The following IL31RA variants were observed in gnomAD, a reference collection of about 807,000 sequenced individuals.
IL31RA encodes interleukin 31 receptor A.
In IL31RA, 66 loss-of-function variants were observed where a neutral mutation model predicts 83.7. The ratio of observed to expected loss-of-function variants is 0.79; its 90% CI spans 0.65 to 0.97. IL31RA has a LOEUF of 0.97. IL31RA is among the 50% of genes least tolerant of loss of function. IL31RA has a pLI of 0.00. For synonymous variants in IL31RA, 325 were observed against 329.0 expected (o/e 0.99, Z 0.13); for missense variants, 798 against 919.4 (o/e 0.87, Z 1.71).
chr5:55,900,936 G>T (rs539757292), intron 8 of IL31RA, among the ~76,000 whole-genome samples: 1 of 152,016 alleles, frequency 6.6e-6, no homozygotes, highest in African/African-American at 2.4e-5. Context: ...TAGAGCAGTT[G>T]GCATAGAGCA....
In IL31RA at chr5:55,910,569, G is replaced by A; in HGVS notation, c.1539G>A (p.Leu513=). 2 of 1,614,158 alleles carry A rather than the reference G, an allele frequency of 1.2e-6. No homozygotes were observed. Among genetic ancestry groups the A allele is most frequent in the Non-Finnish European group, 1.7e-6 (2 of 1,180,010 alleles). Residue 513 remains leucine (L), a synonymous_variant, in exon 12 of 15, where the codon CTG becomes CTA. Transcript: ENST00000652347. ...ATTCCAGCATCTTGCAGTACGGCCTGGAGTCCCTGAAACGAAAGACCTCTT... is the reference window on the plus strand; with the variant it reads ...ATTCCAGCATCTTGCAGTACGGCCTAGAGTCCCTGAAACGAAAGACCTCTT... ...TVNSSILQYG[L]ESLKRKTSYI... is the part of the protein sequence containing the mutation.
intron 4 of IL31RA, among the ~76,000 whole-genome samples, chr5:55,881,476 C>G (rs76673438): frequency 9.2e-5 from 14 of 151,986 alleles, no homozygotes; most frequent in Non-Finnish European, 1.9e-4. Flanking sequence ...GGCCTACTTC[C>G]GGCACCTTGC....
intron 3 of IL31RA, among the ~76,000 whole-genome samples, chr5:55,869,357 T>A (rs1055504751): frequency 6.6e-6 from 1 of 152,088 alleles, no homozygotes; most frequent in East Asian, 1.9e-4. Flanking sequence ...GATTCCCCAA[T>A]TTTTTTTACT....
At chr5:55,911,918 G>A (rs1301842669) in intron 12 of IL31RA, among the ~76,000 whole-genome samples, 1 of 152,148 alleles carries the variant, frequency 6.6e-6, no homozygotes, top group African/African-American at 2.4e-5. Context: ...TATCACTCTG[G>A]AAAATGTGAG....
chr5:55,867,543 TTAAA>T lies in IL31RA; in HGVS notation c.155-1244_155-1241del, dbSNP rs1190961911. ...ATATGTGGTCTTCTTTATTAACACA[TTAAA>T]TAAGAAGACCTAATAATTGCCTTAA... On this transcript the variant is annotated intron_variant, in intron 2 of 14. Coordinates refer to ENST00000652347, the MANE Select transcript of IL31RA (RefSeq NM_139017.7). Among the ~76,000 whole-genome samples the T allele has an allele frequency of 7.9e-5, 12 of 152,252 alleles. No homozygotes were observed. In the South Asian group the frequency reaches 1.4e-3, roughly 18 times the overall value.
chr5:55,869,764 G>A (rs1430593574), intron 3 of IL31RA, among the ~76,000 whole-genome samples: 3 of 152,144 alleles, frequency 2.0e-5, no homozygotes, highest in Admixed American at 1.3e-4. Flanking sequence ...ATGAGCCACC[G>A]TGCCTGTCCT....
At chr5:55,855,161 A>T (rs1745282105) in intron 1 of IL31RA, among the ~76,000 whole-genome samples, 1 of 151,566 alleles carries the variant, frequency 6.6e-6, no homozygotes, top group South Asian at 2.1e-4. Flanking sequence ...TTATTTTTTT[A>T]TTTGAGACAG....
intron 4 of IL31RA, among the ~76,000 whole-genome samples, chr5:55,873,139 T>C (rs1371777743): frequency 7.2e-5 from 11 of 152,176 alleles, no homozygotes; most frequent in East Asian, 1.9e-4. Context: ...GATTTGCCTA[T>C]ACATTTTATA....
chr5:55,873,171 T>G (rs1438022657), intron 4 of IL31RA, among the ~76,000 whole-genome samples: 1 of 152,208 alleles, frequency 6.6e-6, no homozygotes, highest in African/African-American at 2.4e-5. Flanking sequence ...TGTGGTCTTT[T>G]TATCTAATTT....
chr5:55,905,017 TG>T (rs1749057196), intron 8 of IL31RA, among the ~76,000 whole-genome samples: 1 of 151,486 alleles, frequency 6.6e-6, no homozygotes, highest in Admixed American at 6.6e-5. Flanking sequence ...CTGGCCAACA[TG>T]GTGAAACCCC....
intron 1 of IL31RA, among the ~76,000 whole-genome samples, chr5:55,856,681 G>A (rs1007654506): frequency 4.6e-5 from 7 of 152,168 alleles, no homozygotes; most frequent in Non-Finnish European, 7.3e-5. Context: ...GGAGATTCGG[G>A]GTTTTGAAGT....
Position 55,916,878 on chromosome 5 carries a change from A to G in IL31RA, c.2053A>G (p.Ser685Gly), listed in dbSNP as rs539031810. The G allele has an allele frequency of 4.6e-5, 75 of 1,614,168 alleles. 2 individuals carry two copies. The South Asian group carries it at 7.9e-4, about 17-fold the overall frequency. Residue 685 changes from serine to glycine, a missense_variant, in exon 15 of 15, where the codon AGT (serine) becomes GGT (glycine). Transcript: ENST00000652347. ...CAGGCCTGATTGTCCCCTGGGGAAAAGTTTTGAGGAGCTCCCAGTTTCACC... is the reference window on the plus strand; with the variant it reads ...CAGGCCTGATTGTCCCCTGGGGAAAGGTTTTGAGGAGCTCCCAGTTTCACC... Reference protein sequence around the residue: ...PFRPDCPLGKSFEELPVSPEI... With the variant: ...PFRPDCPLGKGFEELPVSPEI...
chr5:55,900,358 A>T (rs1748738303), intron 8 of IL31RA, among the ~76,000 whole-genome samples: 1 of 152,224 alleles, frequency 6.6e-6, no homozygotes, highest in Non-Finnish European at 1.5e-5. Flanking sequence ...GACTTTATAA[A>T]TTACAGAATA....
At chr5:55,898,387 T>A (rs1380581015) in intron 7 of IL31RA, among the ~76,000 whole-genome samples, 1 of 130,002 alleles carries the variant, frequency 7.7e-6, no homozygotes, top group Non-Finnish European at 1.5e-5. Context: ...TAAAAAAGAA[T>A]GTACTAAAAT....
intron 1 of IL31RA, 129 bp downstream of exon 1, chr5:55,851,762 C>T (rs1318801768): frequency 5.7e-6 from 9 of 1,586,588 alleles, no homozygotes; most frequent in East Asian, 2.2e-5. Flanking sequence ...TATGAGATTC[C>T]GTGGCATAAT....
rs370234670 is a variant in IL31RA at position 55,868,891 on chromosome 5, C to T, written c.255C>T (p.Tyr85=). 1 of 1,566,220 alleles carries T rather than the reference C, an allele frequency of 6.4e-7. No individual in the cohort carries two copies. Among genetic ancestry groups the T allele is most frequent in the African/African-American group, 1.4e-5 (1 of 73,918 alleles). The change falls in exon 3 of 15, where the codon TAC becomes TAT. Residue 85 remains tyrosine, a synonymous_variant. Coordinates refer to ENST00000652347, the MANE Select transcript of IL31RA (RefSeq NM_139017.7). ...SPGKETSYTQ[Y]TVKRTYAFGE... ...GAAAGGAAACCAGTTATACCCAGTA[C>T]ACAGTTAAGAGAACTTAGTAAGTAC... is the stretch of plus-strand genomic sequence containing the variant.
intron 1 of IL31RA, 54 bp downstream of exon 1, chr5:55,851,687 C>A: frequency 2.1e-5 from 34 of 1,613,602 alleles, no homozygotes; most frequent in Admixed American, 3.3e-5. Flanking sequence ...GGTGAATTCA[C>A]AAATAAGGAA....
chr5:55,884,200 T>C (rs1047384421), intron 5 of IL31RA, among the ~76,000 whole-genome samples: 1 of 152,224 alleles, frequency 6.6e-6, no homozygotes, highest in African/African-American at 2.4e-5. Flanking sequence ...ATTTGTTACG[T>C]GTATTGCAAA....
At chr5:55,868,722 C>A in intron 2 of IL31RA, 69 bp from the exon 3 acceptor site, 1 of 931,284 alleles carries the variant, frequency 1.1e-6, no homozygotes, top group South Asian at 1.3e-5. Context: ...TAAAAATGTT[C>A]AATGCTGGCA....
Sources: gnomAD v4.1 joint callset for allele counts (sites outside exome capture counted in the v4.1 genomes callset) on GRCh38, gnomAD v4.1.1 for gene constraint, MANE v1.5 for transcripts, NCBI Gene and HGNC (gene_info 2026-07-23, HGNC 2026-07-21) for gene names.